The following KCNT1 variants were observed in gnomAD, a reference collection of about 807,000 sequenced individuals.
KCNT1 encodes potassium sodium-activated channel subfamily T member 1.
In KCNT1, 78 loss-of-function variants were observed where a neutral mutation model predicts 147.8. That is an observed-to-expected ratio of 0.53 (90% CI 0.44 to 0.64). The LOEUF is 0.64. Ranked by LOEUF, KCNT1 falls within the 30% of genes least tolerant of loss-of-function variation. The pLI, the probability that KCNT1 is intolerant of heterozygous loss-of-function variation, is 0.00. For synonymous variants in KCNT1, 867 were observed against 748.8 expected (o/e 1.16, Z -2.58); for missense variants, 1,419 against 1,750.3 (o/e 0.81, Z 3.38).
chr9:135,773,071 C>T (rs1292701770), intron 19 of KCNT1, 122 bp downstream of exon 19: 6 of 608,564 alleles, frequency 9.9e-6, no homozygotes, highest in East Asian at 3.4e-5. Flanking sequence ...TGGACAGCTC[C>T]GTGGAAGTCC....
chr9:135,727,793 G>T (rs1049683572), intron 2 of KCNT1, among the ~76,000 whole-genome samples: 2 of 152,230 alleles, frequency 1.3e-5, no homozygotes, highest in Non-Finnish European at 2.9e-5. Context: ...TCCAGAGAGC[G>T]TGGGTCTGTG....
rs1180673745 is a variant in KCNT1 at position 135,730,996 on chromosome 9, A to G, written c.254+16276A>G. On this transcript the variant is annotated intron_variant, in intron 2 of 30. Coordinates refer to ENST00000371757, the MANE Select transcript of KCNT1 (RefSeq NM_020822.3). This position sits in a 1 kb window ranked among gnomAD's most constrained non-coding sequence, Gnocchi z 4.7. ...GTGAGATCCCGTCTCAAGGTAAAAA[A>G]AAAAAAAAAAAAAAAAAGTGTGGTT... Among the ~76,000 whole-genome samples the G allele has an allele frequency of 7.3e-5, 11 of 150,032 alleles. No individual in the cohort carries two copies. Among genetic ancestry groups the G allele is most frequent in the African/African-American group, 2.5e-4 (10 of 40,332 alleles).
chr9:135,762,101 TCTG>T (rs1456216724), intron 11 of KCNT1, among the ~76,000 whole-genome samples: 1 of 152,196 alleles, frequency 6.6e-6, no homozygotes, highest in Non-Finnish European at 1.5e-5. Flanking sequence ...GCCTTCCCAT[TCTG>T]CTCCTGAAGC....
intron 11 of KCNT1, among the ~76,000 whole-genome samples, chr9:135,762,174 G>A (rs532946662): frequency 6.6e-6 from 1 of 152,314 alleles, no homozygotes; most frequent in South Asian, 2.1e-4. Context: ...GCCAGGCGCA[G>A]GGCTCATGCC....
At chr9:135,755,286 G>A in intron 6 of KCNT1, 117 bp downstream of exon 6, 1 of 765,338 alleles carries the variant, frequency 1.3e-6, no homozygotes, top group Non-Finnish European at 2.0e-6. Flanking sequence ...GACATACCCA[G>A]TCTCAGTAAA....
chr9:135,743,793 G>T (rs1830676490), intron 2 of KCNT1, among the ~76,000 whole-genome samples: 1 of 152,236 alleles, frequency 6.6e-6, no homozygotes, highest in Non-Finnish European at 1.5e-5. Context: ...TCAGCCCTGA[G>T]CCAGCCTCAC....
chr9:135,712,667 GC>G (rs1263419165), intron 1 of KCNT1, among the ~76,000 whole-genome samples: 1 of 152,212 alleles, frequency 6.6e-6, no homozygotes, highest in African/African-American at 2.4e-5. Flanking sequence ...CCTGCGATGG[GC>G]CCCTTTCCCA....
chr9:135,768,667 G>T lies in KCNT1; in HGVS notation c.1395G>T (p.Thr465=). ...GCAGCAGGAACGAGGTGGACCGCAC[G>T]GCTGCAGTGAGTGAGGCTGAGGCCC... The part of the protein sequence containing the change: ...ILSSRNEVDR[T]AADHQTILRA... The change falls in exon 14 of 31, where the codon ACG becomes ACT. Residue 465 remains threonine, a synonymous_variant. Transcript: ENST00000371757. The T allele has an allele frequency of 1.3e-6, 2 of 1,550,352 alleles. No individual in the cohort carries two copies. The highest frequency in any genetic ancestry group is 1.7e-6 in the Non-Finnish European group (2 of 1,146,780).
intron 1 of KCNT1, among the ~76,000 whole-genome samples, chr9:135,710,979 C>A (rs975366271): frequency 6.6e-6 from 1 of 152,150 alleles, no homozygotes; most frequent in East Asian, 1.9e-4. Context: ...GGCTTTCTCC[C>A]GGTGGCTCTC....
chr9:135,758,626 C>T, intron 10 of KCNT1, 118 bp downstream of exon 10: 6 of 821,164 alleles, frequency 7.3e-6, no homozygotes, highest in African/African-American at 1.7e-5. Context: ...GAAAAGGCCA[C>T]AGTGCCTGGG....
At chr9:135,778,859 C>A in intron 23 of KCNT1, 37 bp downstream of exon 23, 2 of 1,602,780 alleles carry the variant, frequency 1.2e-6, no homozygotes, top group East Asian at 2.2e-5. Context: ...CTAAACCACC[C>A]CACAGCCACG....
In KCNT1 at chr9:135,769,968, A is replaced by C. The variant is rs1300686209; in HGVS notation, c.1532A>C (p.Glu511Ala). ...GCAGACCACGTGGTGTGTGAGGAGG[A>C]GTGCAAGTACGCCATGCTGGCGCTG... ...KFADHVVCEEECKYAMLALNC... is the reference protein window; with the variant it reads ...KFADHVVCEEACKYAMLALNC... The change falls in exon 16 of 31, where the codon GAG becomes GCG. Residue 511 changes from glutamate (E) to alanine (A), a missense_variant. By Grantham distance (107) the Glu-to-Ala change is moderately radical (BLOSUM62 -1). Around this residue, in one of 5 missense-constraint regions of KCNT1, gnomAD observed 401 missense variants for 610.6 expected, o/e 0.66. Transcript: ENST00000371757. 1 of 1,554,016 alleles carries C rather than the reference A, an allele frequency of 6.4e-7. No individual in the cohort carries two copies.
intron 24 of KCNT1, among the ~76,000 whole-genome samples, 183 bp downstream of exon 24, chr9:135,779,653 G>C (rs1338020889): frequency 6.6e-6 from 1 of 152,182 alleles, no homozygotes; most frequent in Non-Finnish European, 1.5e-5. Flanking sequence ...GGTGGAACCA[G>C]GAGATGGAGG....
chr9:135,723,595 G>A (rs1836010474), intron 2 of KCNT1, among the ~76,000 whole-genome samples: 1 of 152,190 alleles, frequency 6.6e-6, no homozygotes, highest in South Asian at 2.1e-4. Flanking sequence ...TGTCTACACG[G>A]GGCCTGCTGC....
At chr9:135,738,585 C>T (rs1203738430) in intron 2 of KCNT1, among the ~76,000 whole-genome samples, 1 of 152,164 alleles carries the variant, frequency 6.6e-6, no homozygotes, top group African/African-American at 2.4e-5. Flanking sequence ...CCGGCTCCCT[C>T]AGCCCTCTCA....
Position 135,756,881 on chromosome 9 carries a change from G to A in KCNT1, c.549G>A (p.Val183=), listed in dbSNP as rs1206331310. The A allele has an allele frequency of 6.2e-7, 1 of 1,613,222 alleles. No homozygotes were observed. Among genetic ancestry groups the A allele is most frequent in the Non-Finnish European group, 8.5e-7 (1 of 1,179,894 alleles). The part of the protein sequence containing the change: ...KMTLWAIQVI[V]AIISFLETML... Reference sequence around the variant, plus strand: ...CCTTTCCTGACTCCCAGGTCATCGTGGCCATAATAAGCTTCCTGGAGACGA... The same window carrying A: ...CCTTTCCTGACTCCCAGGTCATCGTAGCCATAATAAGCTTCCTGGAGACGA... Residue 183 remains valine (V), a synonymous_variant, in exon 7 of 31, where the codon GTG becomes GTA. Coordinates refer to ENST00000371757, the MANE Select transcript of KCNT1 (RefSeq NM_020822.3).
Position 135,732,007 on chromosome 9 carries a change from G to T in KCNT1, c.254+17287G>T, listed in dbSNP as rs1340429297. Reference sequence around the variant, plus strand: ...ATATATATATAGAGAGAGAGAGAGAGAGAGAGAGAGAGAGAGAGAGAGAGA... The same window carrying T: ...ATATATATATAGAGAGAGAGAGAGATAGAGAGAGAGAGAGAGAGAGAGAGA... On this transcript the variant is annotated intron_variant, in intron 2 of 30. Coordinates refer to ENST00000371757, the MANE Select transcript of KCNT1 (RefSeq NM_020822.3). 4.9e-3 allele frequency among the ~76,000 whole-genome samples: 445 copies of T among 90,732 alleles called. 1 individual carries two copies. The highest frequency in any genetic ancestry group is 7.1e-3 in the Non-Finnish European group (308 of 43,508). 59.5% of individuals were successfully genotyped at this position (90,732 alleles called of 152,430 possible).
At position 135,765,217 on chromosome 9, in the gene KCNT1, C is replaced by T. The variant is rs774062754; in HGVS notation, c.1200+22C>T. On this transcript the variant is annotated intron_variant, in intron 12 of 30. Transcript: ENST00000371757. ...CCAGGTGAGGCCCCTTACCGTGGCC[C>T]AGCAGACGACTCCCTCCCGGCCCCT... The T allele has an allele frequency of 1.9e-6, 3 of 1,598,964 alleles. No homozygotes were observed. In the South Asian group the frequency reaches 3.3e-5, roughly 18 times the overall value.
Position 135,714,880 on chromosome 9 carries a change from G to A in KCNT1, c.254+160G>A, listed in dbSNP as rs1417952515. ...TGGGGACGCAGAAGTTTCGGAGGGGGTGCGGGCAGGGGGAAGCATCTTCTC... is the reference window on the plus strand; with the variant it reads ...TGGGGACGCAGAAGTTTCGGAGGGGATGCGGGCAGGGGGAAGCATCTTCTC... On this transcript the variant is annotated intron_variant, in intron 2 of 30. Transcript: ENST00000371757. The surrounding 1 kb of genome is among the most constrained non-coding windows in gnomAD (Gnocchi z 6.2). 6.6e-6 allele frequency among the ~76,000 whole-genome samples: 1 copy of A among 152,178 alleles called. No individual in the cohort carries two copies. The highest frequency in any genetic ancestry group is 1.5e-5 in the Non-Finnish European group (1 of 68,004).
Sources: gnomAD v4.1 joint callset for allele counts (sites outside exome capture counted in the v4.1 genomes callset) on GRCh38, gnomAD v4.1.1 for gene constraint, gnomAD v4.1.1 regional missense constraint, Gnocchi (gnomAD v3.1) non-coding constraint, MANE v1.5 for transcripts, NCBI Gene and HGNC (gene_info 2026-07-23, HGNC 2026-07-21) for gene names.